PACRG: variants seen among roughly 807,000 people sequenced by gnomAD.
PACRG encodes the protein parkin coregulated gene protein.
In PACRG, 29 loss-of-function variants were observed where a neutral mutation model predicts 29.7. The observed-to-expected ratio is 0.98, with a 90% CI of 0.73 to 1.33. PACRG has a LOEUF of 1.33. Among genes scored for constraint, PACRG ranks in the 40% most tolerant of loss-of-function variants. The pLI is 0.00. For missense variants in PACRG, 279 were observed against 316.2 expected (o/e 0.88, Z 0.89); for synonymous variants, 116 against 118.7 (o/e 0.98, Z 0.15).
intron 4 of PACRG, among the ~76,000 whole-genome samples, chr6:163,140,704 CAT>C (rs1817118895): frequency 6.6e-6 from 1 of 152,130 alleles, no homozygotes; most frequent in Admixed American, 6.5e-5. Flanking sequence ...AACACATGTT[CAT>C]TCTGTTATTA....
At chr6:162,867,656 C>T (rs180754573) in intron 2 of PACRG, among the ~76,000 whole-genome samples, 11 of 152,322 alleles carry the variant, frequency 7.2e-5, no homozygotes, top group Non-Finnish European at 1.3e-4. Flanking sequence ...ATGTATTTCT[C>T]CTCCAGCAAC....
chr6:163,016,643 G>GT (rs1585014134), intron 2 of PACRG, among the ~76,000 whole-genome samples: 1 of 151,752 alleles, frequency 6.6e-6, no homozygotes. Flanking sequence ...GAGCTAGTAA[G>GT]TTTTTTTATG....
chr6:163,187,452 G>C (rs992490713), intron 4 of PACRG, among the ~76,000 whole-genome samples: 2 of 152,060 alleles, frequency 1.3e-5, no homozygotes, highest in Non-Finnish European at 2.9e-5. Flanking sequence ...CCTCTCAACT[G>C]AGAGCCCGCG....
intron 4 of PACRG, among the ~76,000 whole-genome samples, chr6:163,223,857 T>G (rs1381414122): frequency 6.6e-6 from 1 of 152,142 alleles, no homozygotes; most frequent in Non-Finnish European, 1.5e-5. Context: ...AAACAGTGGA[T>G]GAAAAATAAA....
intron 2 of PACRG, among the ~76,000 whole-genome samples, chr6:163,005,794 T>C (rs569586136): frequency 6.7e-6 from 1 of 148,688 alleles, no homozygotes; most frequent in South Asian, 2.1e-4. Flanking sequence ...GTTATACATG[T>C]TATATATATA....
At chr6:163,078,018 C>T (rs1397859632) in intron 3 of PACRG, among the ~76,000 whole-genome samples, 1 of 152,192 alleles carries the variant, frequency 6.6e-6, no homozygotes. Flanking sequence ...ATCCGCCGTG[C>T]ATTAACTGTC....
At chr6:163,206,414 A>G (rs1456897181) in intron 4 of PACRG, among the ~76,000 whole-genome samples, 3 of 152,166 alleles carry the variant, frequency 2.0e-5, no homozygotes, top group Non-Finnish European at 4.4e-5. Flanking sequence ...TTGCAGCAAC[A>G]TGGATAGAGC....
At chr6:163,017,639 G>A (rs1806230192) in intron 2 of PACRG, among the ~76,000 whole-genome samples, 1 of 152,082 alleles carries the variant, frequency 6.6e-6, no homozygotes, top group African/African-American at 2.4e-5. Context: ...GTATCCAGGT[G>A]GTTGTTGCAG....
intron 4 of PACRG, among the ~76,000 whole-genome samples, chr6:163,302,018 G>A (rs1785023981): frequency 1.3e-5 from 2 of 152,056 alleles, no homozygotes; most frequent in Non-Finnish European, 2.9e-5. Flanking sequence ...GAAAGCCATC[G>A]GGTACACTAA....
chr6:162,938,432 G>T (rs1308945465), intron 2 of PACRG, among the ~76,000 whole-genome samples: 1 of 152,174 alleles, frequency 6.6e-6, no homozygotes, highest in Non-Finnish European at 1.5e-5. Flanking sequence ...GGGATTGCTG[G>T]ATCAAATGGT....
At chr6:162,908,696 G>A (rs982595154) in intron 2 of PACRG, among the ~76,000 whole-genome samples, 5 of 152,154 alleles carry the variant, frequency 3.3e-5, no homozygotes, top group Admixed American at 6.5e-5. Flanking sequence ...CCAGTCTTGG[G>A]TTTCATAAAC....
chr6:162,901,712 G>A (rs1795571032), intron 2 of PACRG, among the ~76,000 whole-genome samples: 1 of 152,188 alleles, frequency 6.6e-6, no homozygotes, highest in Non-Finnish European at 1.5e-5. Flanking sequence ...ACAGGAAGTT[G>A]TGCAAATTTG....
chr6:163,264,348 G>A (rs946768514), intron 4 of PACRG, among the ~76,000 whole-genome samples: 11 of 152,046 alleles, frequency 7.2e-5, no homozygotes, highest in Admixed American at 6.5e-4. Flanking sequence ...CCAGCCTCCC[G>A]AGCTCCATCG....
intron 2 of PACRG, among the ~76,000 whole-genome samples, chr6:162,919,600 A>G (rs1796927749): frequency 6.6e-6 from 1 of 152,208 alleles, no homozygotes; most frequent in Non-Finnish European, 1.5e-5. Context: ...ATACAGATGT[A>G]ACAGACAAGG....
chr6:163,275,829 A>AGG (rs1324493791), intron 4 of PACRG, among the ~76,000 whole-genome samples: 4 of 152,210 alleles, frequency 2.6e-5, no homozygotes, highest in African/African-American at 9.7e-5. Flanking sequence ...AATAATTCAA[A>AGG]GGACATAGTG....
chr6:163,104,886 C>A (rs575524445), intron 4 of PACRG, among the ~76,000 whole-genome samples: 3 of 152,116 alleles, frequency 2.0e-5, no homozygotes, highest in Non-Finnish European at 2.9e-5. Flanking sequence ...AAGTTAAACA[C>A]GGTTGTATAT....
chr6:163,195,653 G>A (rs1218006088), intron 4 of PACRG, among the ~76,000 whole-genome samples: 1 of 152,152 alleles, frequency 6.6e-6, no homozygotes, highest in African/African-American at 2.4e-5. Flanking sequence ...GCGCCTCGGC[G>A]GCTGAGGAGG....
intron 4 of PACRG, among the ~76,000 whole-genome samples, chr6:163,281,147 T>G (rs963871200): frequency 1.3e-5 from 2 of 152,018 alleles, no homozygotes; most frequent in Admixed American, 1.3e-4. Context: ...GACTCTGGGC[T>G]GGAGCGGTGG....
At chr6:162,932,094 T>A (rs929549034) in intron 2 of PACRG, among the ~76,000 whole-genome samples, 12 of 151,952 alleles carry the variant, frequency 7.9e-5, no homozygotes. Context: ...AGAAATGAAT[T>A]ACTGACACAC....
Sources: gnomAD v4.1 joint callset for allele counts (sites outside exome capture counted in the v4.1 genomes callset) on GRCh38, gnomAD v4.1.1 for gene constraint, MANE v1.5 for transcripts, NCBI Gene and HGNC (gene_info 2026-07-23, HGNC 2026-07-21) for gene names.